The following RNF220 variants were observed in gnomAD, a reference collection of about 807,000 sequenced individuals.
The protein encoded by RNF220 is E3 ubiquitin-protein ligase RNF220.
In RNF220, 7 loss-of-function variants were observed where a neutral mutation model predicts 67.1. The observed-to-expected ratio is 0.10, with a 90% CI of 0.06 to 0.20. The LOEUF (loss-of-function observed/expected upper bound fraction) is 0.20, where lower values mean the gene tolerates loss of function less well. Ranked by LOEUF, RNF220 falls within the 10% of genes least tolerant of loss-of-function variation. RNF220 has a pLI of 1.00. For missense variants in RNF220, 565 were observed against 740.3 expected (o/e 0.76, Z 2.75); for synonymous variants, 270 against 283.2 (o/e 0.95, Z 0.47).
At chr1:44,485,032 A>G (rs966265222) in intron 2 of RNF220, among the ~76,000 whole-genome samples, 3 of 152,242 alleles carry the variant, frequency 2.0e-5, no homozygotes, top group Non-Finnish European at 2.9e-5. Flanking sequence ...AGTCCCAGCT[A>G]CTTGGGAGGC....
At chr1:44,438,412 T>A (rs1032527064) in intron 2 of RNF220, among the ~76,000 whole-genome samples, 1 of 152,246 alleles carries the variant, frequency 6.6e-6, no homozygotes, top group Non-Finnish European at 1.5e-5. Context: ...AGTAAGCCAC[T>A]GTGTCCGGTC....
chr1:44,445,834 C>G lies in RNF220; in HGVS notation c.625+33112C>G, dbSNP rs556699350. 7.2e-5 allele frequency among the ~76,000 whole-genome samples: 11 copies of G among 152,220 alleles called. No homozygotes were observed. In the South Asian group the frequency reaches 2.1e-3, roughly 29 times the overall value. On this transcript the variant is annotated intron_variant, in intron 2 of 14. Coordinates refer to ENST00000361799, the MANE Select transcript of RNF220 (RefSeq NM_018150.4). Reference sequence around the variant, plus strand: ...CTCTTCCATCATATTATACATGAGTCCTTTCAAGCCATGGGAAGCCCCTTG... The same window carrying G: ...CTCTTCCATCATATTATACATGAGTGCTTTCAAGCCATGGGAAGCCCCTTG...
At chr1:44,627,119 G>C (rs1308738359) in intron 5 of RNF220, 1 of 150,286 alleles carries the variant, frequency 6.7e-6, no homozygotes. Context: ...GGCCGAGGCG[G>C]GCGGATCACG....
chr1:44,589,693 T>C (rs2148367210), intron 2 of RNF220, among the ~76,000 whole-genome samples: 1 of 152,112 alleles, frequency 6.6e-6, no homozygotes, highest in Non-Finnish European at 1.5e-5. Context: ...TTTCACAGGA[T>C]TCCCAGGTCA....
At chr1:44,510,702 G>T (rs1329904562) in intron 2 of RNF220, among the ~76,000 whole-genome samples, 1 of 152,170 alleles carries the variant, frequency 6.6e-6, no homozygotes, top group Non-Finnish European at 1.5e-5. Flanking sequence ...GTGGCACGAT[G>T]AGGTGGGGCA....
At chr1:44,507,760 G>A (rs556249015) in intron 2 of RNF220, among the ~76,000 whole-genome samples, 2 of 152,306 alleles carry the variant, frequency 1.3e-5, no homozygotes, top group East Asian at 1.9e-4. Context: ...GGCGCTGGGC[G>A]GCTGTCTCCT....
chr1:44,461,924 GTTTTT>G (rs201661366), intron 2 of RNF220, among the ~76,000 whole-genome samples: 1 of 123,562 alleles, frequency 8.1e-6, no homozygotes, highest in Non-Finnish European at 1.7e-5. Context: ...TTTTTTCTTT[GTTTTT>G]TTTTTTTTTT....
At chr1:44,475,027 G>C (rs1655170927) in intron 2 of RNF220, among the ~76,000 whole-genome samples, 1 of 151,910 alleles carries the variant, frequency 6.6e-6, no homozygotes, top group South Asian at 2.1e-4. Flanking sequence ...GAAAATTATG[G>C]CGAATCCCTA....
At chr1:44,638,617 G>C (rs571533004) in intron 8 of RNF220, among the ~76,000 whole-genome samples, 1 of 152,312 alleles carries the variant, frequency 6.6e-6, no homozygotes, top group African/African-American at 2.4e-5. Context: ...TGATGGATCA[G>C]ATCGGTTACC....
chr1:44,546,161 A>G (rs1662123320), intron 2 of RNF220, among the ~76,000 whole-genome samples: 1 of 152,106 alleles, frequency 6.6e-6, no homozygotes, highest in Admixed American at 6.6e-5. Context: ...CCAGGTAAGC[A>G]TGGGCTGCAG....
intron 2 of RNF220, among the ~76,000 whole-genome samples, chr1:44,414,568 A>G (rs148530655): frequency 2.0e-3 from 306 of 152,282 alleles, no homozygotes; most frequent in African/African-American, 7.1e-3. Context: ...TGTCAAAGCC[A>G]TAACTCTTCT....
chr1:44,613,588 T>TA (rs1273259050), intron 2 of RNF220, among the ~76,000 whole-genome samples: 5 of 151,894 alleles, frequency 3.3e-5, no homozygotes, highest in South Asian at 2.1e-4. Context: ...CCCATCTCTA[T>TA]AAAAAAAATA....
chr1:44,567,588 C>G (rs558249924), intron 2 of RNF220, among the ~76,000 whole-genome samples: 1 of 151,932 alleles, frequency 6.6e-6, no homozygotes, highest in African/African-American at 2.4e-5. Flanking sequence ...AGAGCCTACC[C>G]TTACTGGGGC....
chr1:44,452,798 T>C (rs2147934750), intron 2 of RNF220, among the ~76,000 whole-genome samples: 1 of 152,284 alleles, frequency 6.6e-6, no homozygotes, highest in African/African-American at 2.4e-5. Context: ...CTTTCCTTTT[T>C]CTTTGCCTCA....
intron 2 of RNF220, among the ~76,000 whole-genome samples, chr1:44,481,336 G>A (rs1463327745): frequency 6.6e-6 from 1 of 152,030 alleles, no homozygotes; most frequent in Non-Finnish European, 1.5e-5. Context: ...GAGGCAGGGG[G>A]AATCACTTGA....
At chr1:44,471,213 G>A (rs1244407876) in intron 2 of RNF220, among the ~76,000 whole-genome samples, 1 of 152,138 alleles carries the variant, frequency 6.6e-6, no homozygotes, top group Admixed American at 6.5e-5. Flanking sequence ...ATCACCTGAG[G>A]TCAGGAGTTC....
In RNF220 at chr1:44,650,435, G is replaced by A; in HGVS notation, c.1630-269G>A. 1 of 547,902 alleles carries A rather than the reference G, an allele frequency of 1.8e-6. No homozygotes were observed. Among genetic ancestry groups the A allele is most frequent in the East Asian group, 3.1e-5 (1 of 32,532 alleles). 33.9% of individuals were successfully genotyped at this position (547,902 alleles called of 1,614,324 possible). ...CAAAGGCCGCGTGTAATCTCGTTAG[G>A]GCTGCGGCTGCCACAGCTGGACCCA... On this transcript the variant is annotated intron_variant, in intron 14 of 14. Coordinates refer to ENST00000361799, the MANE Select transcript of RNF220 (RefSeq NM_018150.4). The surrounding 1 kb of genome is among the most constrained non-coding windows in gnomAD (Gnocchi z 4.3).
At chr1:44,474,051 TC>T (rs1197216564) in intron 2 of RNF220, among the ~76,000 whole-genome samples, 2 of 151,700 alleles carry the variant, frequency 1.3e-5, no homozygotes, top group Non-Finnish European at 2.9e-5. Flanking sequence ...CAACCACGGA[TC>T]AAAAATATTC....
At chr1:44,540,060 A>C (rs896506524) in intron 2 of RNF220, among the ~76,000 whole-genome samples, 2 of 152,154 alleles carry the variant, frequency 1.3e-5, no homozygotes, top group Non-Finnish European at 2.9e-5. Context: ...GGCCATGAGA[A>C]ATCCATCATT....
Sources: gnomAD v4.1 joint callset for allele counts (sites outside exome capture counted in the v4.1 genomes callset) on GRCh38, gnomAD v4.1.1 for gene constraint, Gnocchi (gnomAD v3.1) non-coding constraint, MANE v1.5 for transcripts, NCBI Gene and HGNC (gene_info 2026-07-23, HGNC 2026-07-21) for gene names.